ZDHHC15: variants seen among roughly 807,000 people sequenced by gnomAD.
The protein encoded by ZDHHC15 is zDHHC palmitoyltransferase 15.
Under a neutral mutation model 31.7 loss-of-function variants are expected in ZDHHC15, and 19 were observed. The observed-to-expected ratio is 0.60, with a 90% CI of 0.42 to 0.88. The LOEUF is 0.88. ZDHHC15 is among the 40% of genes least tolerant of loss of function. The probability of loss-of-function intolerance (pLI) is 0.00; values close to 1 mark genes in which losing one functional copy is unlikely to be tolerated. For synonymous variants in ZDHHC15, 103 were observed against 90.0 expected, an observed-to-expected ratio of 1.14 and a Z score of -0.82; for missense variants, 209 against 251.2, an observed-to-expected ratio of 0.83 and a Z score of 1.14.
At position 75,387,628 on chromosome X, in the gene ZDHHC15, G is replaced by T. The variant is rs1414202258; in HGVS notation, c.968-8430C>A. ...TGAAAATAAAGGAGAGAAAAAGAAT[G>T]AAAAGGAAAAGAGATCACCTACAAG... On this transcript the variant is annotated intron_variant, in intron 10 of 11. Transcript: ENST00000373367. 2.7e-5 allele frequency among the ~76,000 whole-genome samples: 3 copies of T among 111,509 alleles called. No individual in the cohort carries two copies. In the Admixed American group the frequency reaches 2.8e-4, roughly 11 times the overall value.
intron 4 of ZDHHC15, among the ~76,000 whole-genome samples, chrX:75,440,198 G>T (rs1419416021): frequency 2.7e-5 from 3 of 112,090 alleles, no homozygotes; most frequent in Non-Finnish European, 5.6e-5. Flanking sequence ...CCTCTGGTTA[G>T]CCAGGATGTC....
intron 10 of ZDHHC15, among the ~76,000 whole-genome samples, chrX:75,413,740 C>A (rs2083513191): frequency 9.1e-6 from 1 of 109,302 alleles, no homozygotes. Context: ...AAAAAGGCAC[C>A]AGAGCCATAA....
intron 10 of ZDHHC15, among the ~76,000 whole-genome samples, chrX:75,411,188 C>G (rs1188675385): frequency 1.0e-5 from 1 of 100,384 alleles, no homozygotes; most frequent in Non-Finnish European, 2.0e-5. Flanking sequence ...CAGTAGGTTG[C>G]CCATAGTTAA....
At chrX:75,441,879 TC>T (rs2083947345) in intron 4 of ZDHHC15, among the ~76,000 whole-genome samples, 2 of 110,609 alleles carry the variant, frequency 1.8e-5, no homozygotes, top group Non-Finnish European at 3.8e-5. Flanking sequence ...CACCTCAGCC[TC>T]CCAAAGTGCT....
Position 75,407,147 on chromosome X carries a change from G to A in ZDHHC15, c.967+9940C>T, listed in dbSNP as rs758672683. Among the ~76,000 whole-genome samples the A allele has an allele frequency of 1.2e-3, 127 of 109,536 alleles. No individual in the cohort carries two copies. In the Middle Eastern group the frequency reaches 0.014, roughly 12 times the overall value. On this transcript the variant is annotated intron_variant, in intron 10 of 11. Transcript: ENST00000373367. ...GAGCGTCTCTGCCCGGCTGCCCATC[G>A]TCTGAGATGTGGGGAGTGCCTCTGC...
intron 10 of ZDHHC15, among the ~76,000 whole-genome samples, chrX:75,392,474 C>A (rs2083255966): frequency 8.9e-6 from 1 of 112,016 alleles, no homozygotes; most frequent in Non-Finnish European, 1.9e-5. Context: ...ATTCTTCAGT[C>A]CAATCAAGTT....
At chrX:75,424,608 T>C (rs763313778) in intron 8 of ZDHHC15, 44 bp downstream of exon 8, 3 of 1,149,846 alleles carry the variant, frequency 2.6e-6, no homozygotes, top group Non-Finnish European at 3.5e-6. Context: ...GTCCCTCTGA[T>C]ACACATTAAT....
chrX:75,499,066 T>C (rs2085052493), intron 2 of ZDHHC15, among the ~76,000 whole-genome samples: 2 of 111,477 alleles, frequency 1.8e-5, no homozygotes, highest in Admixed American at 9.6e-5. Context: ...GGTGCTGGGA[T>C]AGTTGGCAAG....
At position 75,368,919 on chromosome X, in the gene ZDHHC15, A is replaced by G. The variant is rs1411128449; in HGVS notation, c.*4059T>C. On this transcript the variant is annotated 3_prime_UTR_variant, in exon 12 of 12. Coordinates refer to ENST00000373367, the MANE Select transcript of ZDHHC15 (RefSeq NM_144969.3). Reference sequence around the variant, plus strand: ...AGTAAACAGTCATGGGTTGCATGCTACTAGGAGCCACCCATTCATTATTAT... The same window carrying G: ...AGTAAACAGTCATGGGTTGCATGCTGCTAGGAGCCACCCATTCATTATTAT... 8.9e-6 allele frequency: 1 copy of G among 111,803 alleles called. No homozygotes were observed. The highest frequency in any genetic ancestry group is 3.3e-5 in the African/African-American group (1 of 30,729). The allele number at this position is 111,803 out of a possible 1,213,427, so 9.2% of individuals were successfully genotyped here. A position where few individuals can be genotyped will look rare whatever the true frequency, so the allele number is the denominator to read the frequency against.
At chrX:75,477,122 CTTAT>C (rs1221156965) in intron 3 of ZDHHC15, among the ~76,000 whole-genome samples, 1 of 111,139 alleles carries the variant, frequency 9.0e-6, no homozygotes, top group Non-Finnish European at 1.9e-5. Flanking sequence ...CTTATGCTGT[CTTAT>C]TTGATTCATT....
chrX:75,442,824 A>C (rs2083963013), intron 4 of ZDHHC15, among the ~76,000 whole-genome samples: 1 of 107,653 alleles, frequency 9.3e-6, no homozygotes, highest in South Asian at 4.2e-4. Context: ...GTCTCTACTA[A>C]AAATACAAAA....
chrX:75,394,085 T>C (rs1409110026), intron 10 of ZDHHC15, among the ~76,000 whole-genome samples: 1 of 111,672 alleles, frequency 9.0e-6, no homozygotes, highest in East Asian at 2.8e-4. Flanking sequence ...GGCAACACCA[T>C]CACAGACACA....
chrX:75,412,321 C>T (rs2083493291), intron 10 of ZDHHC15, among the ~76,000 whole-genome samples: 1 of 111,985 alleles, frequency 8.9e-6, no homozygotes, highest in Admixed American at 9.4e-5. Context: ...TATCTGCAAT[C>T]CCATGTTTAC....
chrX:75,430,668 A>G (rs1301683214), intron 5 of ZDHHC15, among the ~76,000 whole-genome samples: 1 of 111,846 alleles, frequency 8.9e-6, no homozygotes, highest in Non-Finnish European at 1.9e-5. Context: ...TTCCTTTCAA[A>G]GAGTAAAGCA....
intron 4 of ZDHHC15, among the ~76,000 whole-genome samples, chrX:75,437,261 CT>C (rs966191679): frequency 4.0e-5 from 2 of 49,909 alleles, no homozygotes; most frequent in Non-Finnish European, 9.5e-5. Context: ...TGTTGACTTT[CT>C]TTTTTTTGTT....
At chrX:75,505,671 TA>T in intron 2 of ZDHHC15, 149 bp downstream of exon 2, 1 of 624,217 alleles carries the variant, frequency 1.6e-6, no homozygotes. Flanking sequence ...TATCTCTGTG[TA>T]AGCTTCCTGA....
Position 75,473,885 on chromosome X carries a change from G to A in ZDHHC15, c.258+5006C>T, listed in dbSNP as rs974644846. ...GACTTCATATCAGCATTTAAGTATT[G>A]TTAACTTTATGTAATAGCATTTGGT... is the stretch of plus-strand genomic sequence containing the variant. On this transcript the variant is annotated intron_variant, in intron 3 of 11. Transcript: ENST00000373367. Among the ~76,000 whole-genome samples, 7 of 111,691 alleles carry A rather than the reference G, an allele frequency of 6.3e-5. No individual in the cohort carries two copies. The East Asian group carries it at 2.0e-3, about 31-fold the overall frequency.
At chrX:75,443,779 C>T (rs1244043262) in intron 4 of ZDHHC15, among the ~76,000 whole-genome samples, 4 of 111,967 alleles carry the variant, frequency 3.6e-5, no homozygotes, top group South Asian at 3.7e-4. Flanking sequence ...AAGGAAAAAA[C>T]AAACAACCCC....
chrX:75,428,738 C>T (rs1233232709), intron 7 of ZDHHC15, among the ~76,000 whole-genome samples: 1 of 111,452 alleles, frequency 9.0e-6, no homozygotes, highest in Non-Finnish European at 1.9e-5. Flanking sequence ...AAATTAGTTT[C>T]AACATTTTTC....
Sources: allele counts gnomAD v4.1 joint callset (sites outside exome capture counted in the v4.1 genomes callset), GRCh38; gene constraint gnomAD v4.1.1; transcripts MANE v1.5; gene names NCBI Gene and HGNC (gene_info 2026-07-23, HGNC 2026-07-21).